The following KIF26B variants were observed in gnomAD, a reference collection of about 807,000 sequenced individuals.
KIF26B encodes kinesin family member 26B.
Under a neutral mutation model 151.2 loss-of-function variants are expected in KIF26B, and 63 were observed. That is an observed-to-expected ratio of 0.42 (90% confidence interval 0.34 to 0.51). KIF26B has a LOEUF of 0.51. Ranked by LOEUF, KIF26B falls within the 20% of genes least tolerant of loss-of-function variation. The probability of loss-of-function intolerance (pLI) is 0.07; values close to 1 mark genes in which losing one functional copy is unlikely to be tolerated. For synonymous variants in KIF26B, 1,357 were observed against 1,262.1 expected, an observed-to-expected ratio of 1.08 and a Z score of -1.59; for missense variants, 2,813 against 2,913.6, an observed-to-expected ratio of 0.97 and a Z score of 0.79.
intron 2 of KIF26B, among the ~76,000 whole-genome samples, chr1:245,270,204 C>T (rs4584430): frequency 0.016 from 2,327 of 141,144 alleles, 113 homozygotes; most frequent in Non-Finnish European, 0.023. Flanking sequence ...CTTTTCCCTT[C>T]CCTTTCTTCT....
At chr1:245,337,518 ATGTGTGTGTGTGTGTGTG>A (rs74163041) in intron 2 of KIF26B, among the ~76,000 whole-genome samples, 6 of 145,524 alleles carry the variant, frequency 4.1e-5, no homozygotes, top group African/African-American at 1.2e-4. Context: ...TACTTAGGAA[ATGTGTGTGTGTGTGTGTG>A]TGTGTGTGTG....
intron 2 of KIF26B, among the ~76,000 whole-genome samples, chr1:245,169,327 T>TGGCGTGTG (rs2103521361): frequency 7.4e-6 from 1 of 135,472 alleles, no homozygotes; most frequent in East Asian, 2.1e-4. Context: ...TAACGGGCCA[T>TGGCGTGTG]GGTGTGTGTG....
Position 245,253,092 on chromosome 1 carries a change from T to G in KIF26B, c.465+96409T>G, listed in dbSNP as rs534183221. ...TGACATGATCTCGGCTCACTGCAAC[T>G]TCCACCTCCCAGGTTCAAGCAGTTC... On this transcript the variant is annotated intron_variant, in intron 2 of 14. Transcript: ENST00000407071. 2.7e-3 allele frequency among the ~76,000 whole-genome samples: 404 copies of G among 150,596 alleles called. 3 individuals are homozygous for G. The highest frequency in any genetic ancestry group is 9.4e-3 in the African/African-American group (384 of 40,952).
At chr1:245,373,171 C>T (rs1327243375) in intron 3 of KIF26B, among the ~76,000 whole-genome samples, 1 of 152,194 alleles carries the variant, frequency 6.6e-6, no homozygotes, top group Non-Finnish European at 1.5e-5. Context: ...TCACATCCCT[C>T]ACAGCAGCTA....
At chr1:245,394,713 G>A (rs1246646876) in intron 3 of KIF26B, among the ~76,000 whole-genome samples, 57 of 101,644 alleles carry the variant, frequency 5.6e-4, no homozygotes, top group African/African-American at 2.1e-3. Context: ...TTTTTGAGAT[G>A]GAGTTTCACT....
chr1:245,283,106 C>A (rs1671093309), intron 2 of KIF26B: 1 of 166,082 alleles, frequency 6.0e-6, no homozygotes, highest in African/African-American at 2.4e-5. Flanking sequence ...AGCCTGGCTC[C>A]CCCTGCCACC....
chr1:245,172,595 A>C (rs1668732836), intron 2 of KIF26B, among the ~76,000 whole-genome samples: 1 of 152,180 alleles, frequency 6.6e-6, no homozygotes, highest in Non-Finnish European at 1.5e-5. Flanking sequence ...AGATCACCTG[A>C]GGTCAGGAGT....
At chr1:245,625,017 T>G (rs1198905223) in intron 9 of KIF26B, among the ~76,000 whole-genome samples, 1 of 152,182 alleles carries the variant, frequency 6.6e-6, no homozygotes, top group Admixed American at 6.5e-5. Context: ...TATCATTTGT[T>G]GTAAAAAGCT....
At chr1:245,608,702 GTCC>G (rs2043483890) in intron 7 of KIF26B, among the ~76,000 whole-genome samples, 1 of 152,130 alleles carries the variant, frequency 6.6e-6, no homozygotes, top group South Asian at 2.1e-4. Flanking sequence ...GATATTTGGG[GTCC>G]TCCTCAAGGT....
chr1:245,288,750 C>T (rs556473959), intron 2 of KIF26B, among the ~76,000 whole-genome samples: 125 of 152,246 alleles, frequency 8.2e-4, no homozygotes, highest in African/African-American at 3.0e-3. Context: ...GTTCTTATAA[C>T]CTCCCTATAA....
At chr1:245,295,689 A>G (rs958947617) in intron 2 of KIF26B, among the ~76,000 whole-genome samples, 3 of 152,164 alleles carry the variant, frequency 2.0e-5, no homozygotes, top group Non-Finnish European at 2.9e-5. Context: ...TCTGTTTACT[A>G]TTTTCTTAAG....
At chr1:245,350,394 C>G (rs951930907) in intron 2 of KIF26B, among the ~76,000 whole-genome samples, 3 of 152,148 alleles carry the variant, frequency 2.0e-5, no homozygotes, top group African/African-American at 7.2e-5. Flanking sequence ...ACCATGAAAC[C>G]CTTCGACCTT....
intron 4 of KIF26B, among the ~76,000 whole-genome samples, chr1:245,430,360 T>C (rs1234076155): frequency 1.3e-5 from 2 of 152,066 alleles, no homozygotes; most frequent in East Asian, 1.9e-4. Context: ...CACTGACTCA[T>C]TTAAAAATCG....
At chr1:245,282,983 A>C in intron 2 of KIF26B, 1 of 303,708 alleles carries the variant, frequency 3.3e-6, no homozygotes, top group Admixed American at 3.7e-5. Context: ...GACTTTGAAA[A>C]ACTTGTTCTG....
intron 2 of KIF26B, among the ~76,000 whole-genome samples, chr1:245,303,285 G>A (rs1029869129): frequency 1.0e-4 from 14 of 136,732 alleles, no homozygotes; most frequent in South Asian, 2.5e-4. Flanking sequence ...TGCAAGCTCC[G>A]CCTCCCGGGT....
At position 245,155,394 on chromosome 1, in the gene KIF26B, C is replaced by A. The variant is rs369604504; in HGVS notation, c.-31C>A. On this transcript the variant is annotated 5_prime_UTR_variant, in exon 1 of 15. Coordinates refer to ENST00000407071, the MANE Select transcript of KIF26B (RefSeq NM_018012.4). ...CCTTCTGGATGTAGCGTCGGTGGAA[C>A]CTTTAGATACTCTCCTCTGGAAAAG... The A allele has an allele frequency of 3.8e-6, 6 of 1,584,458 alleles. No homozygotes were observed. In the African/African-American group the frequency reaches 5.4e-5, roughly 14 times the overall value.
At chr1:245,614,840 T>G (rs2043568576) in intron 9 of KIF26B, 2 of 152,090 alleles carry the variant, frequency 1.3e-5, no homozygotes, top group Admixed American at 6.6e-5. Context: ...AATCACGTTC[T>G]TAAAGAAGGA....
In KIF26B at chr1:245,601,483, T is replaced by C. The variant is rs1193854004; in HGVS notation, c.1351-1094T>C. ...TGCATGACAGAGATTTCACCAAACC[T>C]GACAACTGATGAGACAAAGAGAACA... On this transcript the variant is annotated intron_variant, in intron 5 of 14. Transcript: ENST00000407071. This position sits in a 1 kb window ranked among gnomAD's most constrained non-coding sequence, Gnocchi z 4.4. Among the ~76,000 whole-genome samples the C allele has an allele frequency of 1.3e-5, 2 of 152,206 alleles. No homozygotes were observed. The highest frequency in any genetic ancestry group is 2.9e-5 in the Non-Finnish European group (2 of 68,028).
chr1:245,327,303 A>G (rs1466157267), intron 2 of KIF26B, among the ~76,000 whole-genome samples: 1 of 151,686 alleles, frequency 6.6e-6, no homozygotes, highest in Non-Finnish European at 1.5e-5. Context: ...AACAGATGTG[A>G]GTGTTTGAAT....
Sources: gnomAD v4.1 joint callset for allele counts (sites outside exome capture counted in the v4.1 genomes callset) on GRCh38, gnomAD v4.1.1 for gene constraint, Gnocchi (gnomAD v3.1) non-coding constraint, MANE v1.5 for transcripts, NCBI Gene and HGNC (gene_info 2026-07-23, HGNC 2026-07-21) for gene names.